Variants in AFAP1 observed in about 807,000 individuals in gnomAD.
The protein encoded by AFAP1 is actin filament-associated protein 1.
Under a neutral mutation model 93.9 loss-of-function variants are expected in AFAP1, and 75 were observed. The ratio of observed to expected loss-of-function variants is 0.80; its 90% CI spans 0.66 to 0.97. The LOEUF (loss-of-function observed/expected upper bound fraction) is 0.97, where lower values mean the gene tolerates loss of function less well. Ranked by LOEUF, AFAP1 falls within the 50% of genes least tolerant of loss-of-function variation. AFAP1 has a pLI of 0.00. For synonymous variants in AFAP1, 517 were observed against 430.7 expected, an observed-to-expected ratio of 1.20 and a Z score of -2.48; for missense variants, 1,201 against 1,050.8, an observed-to-expected ratio of 1.14 and a Z score of -1.98.
chr4:7,778,855 C>A lies in AFAP1; in HGVS notation c.1804G>T (p.Val602Leu). ...TTTCCTGTGACCCCATTAGACGCCA[C>A]GGGGGGCTTTTTACCCTTGAGCTGT... ...NSQLKGKKPPVASNGVTGKGK... is the reference protein window; with the variant it reads ...NSQLKGKKPPLASNGVTGKGK... The change falls in exon 14 of 18, where the codon GTG (valine) becomes TTG (leucine). Residue 602 changes from valine (V) to leucine (L), a missense_variant. Physicochemically the swap from Val to Leu is conservative, Grantham distance 32. Transcript: ENST00000420658. 1.9e-6 allele frequency: 3 copies of A among 1,613,544 alleles called. No individual in the cohort carries two copies. The highest frequency in any genetic ancestry group is 2.5e-6 in the Non-Finnish European group (3 of 1,179,658).
intron 1 of AFAP1, among the ~76,000 whole-genome samples, chr4:7,905,346 G>A (rs887390337): frequency 1.3e-5 from 2 of 152,216 alleles, no homozygotes; most frequent in African/African-American, 4.8e-5. Flanking sequence ...TAAAATTAGT[G>A]TTATACTTCT....
chr4:7,854,859 C>T (rs1019649363), intron 4 of AFAP1, among the ~76,000 whole-genome samples: 2 of 152,184 alleles, frequency 1.3e-5, no homozygotes, highest in South Asian at 2.1e-4. Flanking sequence ...ATTCCGGAGA[C>T]TCAACATCAT....
chr4:7,778,777 T>A lies in AFAP1; in HGVS notation c.1882A>T (p.Lys628Ter). The part of the protein sequence containing the change: ...PKKADPAAVV[K>*]RTGSNAAQYK... ...GTATACTTACTCGAACCCGTCCTTT[T>A]CACAACAGCCGCGGGATCCGCTTTC... The change falls in exon 14 of 18, where the codon AAA becomes TAA. Residue 628 changes from lysine (K) to a stop codon, truncating the protein, a stop_gained. Transcript: ENST00000420658. LOFTEE classifies it high-confidence loss of function. The A allele has an allele frequency of 6.2e-7, 1 of 1,614,166 alleles. No homozygotes were observed. Among genetic ancestry groups the A allele is most frequent in the Non-Finnish European group, 8.5e-7 (1 of 1,179,994 alleles).
chr4:7,875,859 A>C (rs1214475159), intron 1 of AFAP1, among the ~76,000 whole-genome samples: 2 of 152,326 alleles, frequency 1.3e-5, no homozygotes, highest in East Asian at 3.9e-4. Context: ...CTACTTATAT[A>C]AAGTACTTAG....
chr4:7,769,515 A>C (rs562191185), intron 16 of AFAP1, among the ~76,000 whole-genome samples: 2 of 152,150 alleles, frequency 1.3e-5, no homozygotes, highest in Non-Finnish European at 2.9e-5. Flanking sequence ...AGGCCTTCCT[A>C]GTGTTTACGG....
rs868590075 is a variant in AFAP1 at position 7,759,316 on chromosome 4, C to T, written c.*4449G>A. 4.6e-5 allele frequency: 7 copies of T among 152,650 alleles called. No individual in the cohort carries two copies. The highest frequency in any genetic ancestry group is 1.3e-4 in the Admixed American group (2 of 15,288). The allele number at this position is 152,650 out of a possible 1,614,324, so 9.5% of individuals were successfully genotyped here. A position where few individuals can be genotyped will look rare whatever the true frequency, so the allele number is the denominator to read the frequency against. On this transcript the variant is annotated 3_prime_UTR_variant, in exon 18 of 18. Transcript: ENST00000420658. ...TTGTGCACGGTGAAGTTGAGATTTT[C>T]TGGAAGACCAAAGCCGGAACTATTT...
intron 1 of AFAP1, among the ~76,000 whole-genome samples, chr4:7,898,997 A>T (rs1355576115): frequency 6.9e-6 from 1 of 145,778 alleles, no homozygotes; most frequent in African/African-American, 2.5e-5. Context: ...GTATATACAC[A>T]AATGTATATA....
At chr4:7,902,574 G>A (rs1719176687) in intron 1 of AFAP1, among the ~76,000 whole-genome samples, 1 of 152,122 alleles carries the variant, frequency 6.6e-6, no homozygotes, top group Admixed American at 6.5e-5. Context: ...TAAAATGTAT[G>A]AGAAACAGGG....
At chr4:7,850,454 A>T (rs1185835586) in intron 4 of AFAP1, among the ~76,000 whole-genome samples, 2 of 152,248 alleles carry the variant, frequency 1.3e-5, no homozygotes, top group East Asian at 1.9e-4. Flanking sequence ...GGCAAAACAG[A>T]GGAATTAGAA....
chr4:7,908,779 GGAT>G (rs1719566204), intron 1 of AFAP1, among the ~76,000 whole-genome samples: 1 of 152,188 alleles, frequency 6.6e-6, no homozygotes, highest in Admixed American at 6.5e-5. Flanking sequence ...GTTCTTGTCT[GGAT>G]GATGCATAGT....
intron 9 of AFAP1, among the ~76,000 whole-genome samples, chr4:7,801,959 C>T (rs1241733554): frequency 1.4e-5 from 2 of 139,016 alleles, no homozygotes; most frequent in Non-Finnish European, 3.1e-5. Context: ...AATTAAAATG[C>T]CTTTCCAAAA....
intron 4 of AFAP1, among the ~76,000 whole-genome samples, chr4:7,848,573 G>A (rs971690574): frequency 3.9e-5 from 6 of 152,250 alleles, no homozygotes; most frequent in African/African-American, 1.4e-4. Context: ...AGAGGCCCAC[G>A]TGCCTCTCCT....
At chr4:7,778,557 G>C (rs1716395291) in intron 14 of AFAP1, 2 of 615,306 alleles carry the variant, frequency 3.3e-6, no homozygotes, top group Non-Finnish European at 2.9e-6. Flanking sequence ...ACCAGTTCTG[G>C]GCTTCAATTT....
At chr4:7,768,163 C>T (rs536449804) in intron 17 of AFAP1, among the ~76,000 whole-genome samples, 9 of 152,362 alleles carry the variant, frequency 5.9e-5, no homozygotes, top group Non-Finnish European at 1.0e-4. Flanking sequence ...GGGGCGGGGC[C>T]GGCCACACTC....
In AFAP1 at chr4:7,762,184, A is replaced by G. The variant is rs1011928227; in HGVS notation, c.*1581T>C. 1 of 152,226 alleles carries G rather than the reference A, an allele frequency of 6.6e-6. No individual in the cohort carries two copies. Among genetic ancestry groups the G allele is most frequent in the African/African-American group, 2.4e-5 (1 of 41,456 alleles). The allele number at this position is 152,226 out of a possible 1,614,324, so 9.4% of individuals were successfully genotyped here. On this transcript the variant is annotated 3_prime_UTR_variant, in exon 18 of 18. Transcript: ENST00000420658. ...GGCCTCAAGCGCCACCACCTTAAAC[A>G]TGAATCCTAACTGTAAAGTCCCGTG...
chr4:7,865,654 G>C (rs1470454618), intron 3 of AFAP1, among the ~76,000 whole-genome samples: 1 of 152,232 alleles, frequency 6.6e-6, no homozygotes, highest in South Asian at 2.1e-4. Flanking sequence ...AGACAACACA[G>C]AAGTGAATCA....
chr4:7,931,109 G>A (rs1215218049), intron 1 of AFAP1, among the ~76,000 whole-genome samples: 1 of 152,166 alleles, frequency 6.6e-6, no homozygotes, highest in Non-Finnish European at 1.5e-5. Flanking sequence ...AACAGGAGGA[G>A]CGGGGAGGGT....
At chr4:7,793,529 T>C in intron 11 of AFAP1, 152 bp downstream of exon 11, 2 of 853,352 alleles carry the variant, frequency 2.3e-6, no homozygotes, top group Non-Finnish European at 3.2e-6. Flanking sequence ...GACAAAAACA[T>C]TTCTGCAAAA....
chr4:7,939,354 G>A lies in AFAP1; in HGVS notation c.-3+302C>T, dbSNP rs1163411699. On this transcript the variant is annotated intron_variant, in intron 1 of 17. Transcript: ENST00000420658. This position sits in a 1 kb window ranked among gnomAD's most constrained non-coding sequence, Gnocchi z 5.6. ...CAGGGCCCCCTCTGACGCACACGGG[G>A]ACCAGCCACGCCGCGGGGGCACCGG... 1.2e-5 allele frequency: 4 copies of A among 324,702 alleles called. No homozygotes were observed. Among genetic ancestry groups the A allele is most frequent in the Non-Finnish European group, 1.8e-5 (3 of 162,604 alleles). 20.1% of individuals were successfully genotyped at this position (324,702 alleles called of 1,614,324 possible).
Sources: gnomAD v4.1 joint callset for allele counts (sites outside exome capture counted in the v4.1 genomes callset) on GRCh38, gnomAD v4.1.1 for gene constraint, Gnocchi (gnomAD v3.1) non-coding constraint, MANE v1.5 for transcripts, NCBI Gene and HGNC (gene_info 2026-07-23, HGNC 2026-07-21) for gene names.